Variants in CTNND1 observed in about 807,000 individuals in gnomAD.
The protein encoded by CTNND1 is catenin delta 1, also known as catenin delta-1.
A neutral mutation model predicts 112.1 loss-of-function variants in CTNND1; 16 were observed. The ratio of observed to expected loss-of-function variants is 0.14; its 90% CI spans 0.10 to 0.22. The LOEUF (loss-of-function observed/expected upper bound fraction) is 0.22. Among genes scored for constraint, CTNND1 ranks in the 10% least tolerant of loss-of-function variants. The probability of loss-of-function intolerance (pLI) is 1.00; values close to 1 mark genes in which losing one functional copy is unlikely to be tolerated. For synonymous variants in CTNND1, 420 were observed against 446.5 expected, an observed-to-expected ratio of 0.94 and a Z score of 0.75; for missense variants, 1,008 against 1,257.0, an observed-to-expected ratio of 0.80 and a Z score of 3.00.
intron 4 of CTNND1, 42 bp from the exon 5 acceptor site, chr11:57,795,535 G>A (rs367658814): frequency 1.3e-6 from 2 of 1,576,136 alleles, no homozygotes; most frequent in Non-Finnish European, 1.7e-6. Context: ...GTTATACATA[G>A]CACTTAATAG....
At chr11:57,786,308 C>A (rs536192996) in intron 1 of CTNND1, among the ~76,000 whole-genome samples, 1 of 150,800 alleles carries the variant, frequency 6.6e-6, no homozygotes, top group Non-Finnish European at 1.5e-5. Context: ...CTGAGGCAGG[C>A]GGATCATGAG....
Position 57,791,560 on chromosome 11 carries a change from C to A in CTNND1, c.82C>A (p.Arg28=). The A allele has an allele frequency of 6.2e-7, 1 of 1,610,642 alleles. No homozygotes were observed. The highest frequency in any genetic ancestry group is 8.5e-7 in the Non-Finnish European group (1 of 1,178,616). ...EQEAQFEKLT[R]ALEEERRHVS... is the part of the protein sequence containing the mutation. ...AGAGGCCCAGTTTGAGAAGCTGACCCGGGCGCTGGAGGAGGAACGGCGCCA... is the reference window on the plus strand; with the variant it reads ...AGAGGCCCAGTTTGAGAAGCTGACCAGGGCGCTGGAGGAGGAACGGCGCCA... The change falls in exon 3 of 21, where the codon CGG becomes AGG. Residue 28 remains arginine, a synonymous_variant. Coordinates refer to ENST00000399050, the MANE Select transcript of CTNND1 (RefSeq NM_001085458.2).
At chr11:57,808,756 T>C (rs1377674736) in intron 14 of CTNND1, among the ~76,000 whole-genome samples, 1 of 152,234 alleles carries the variant, frequency 6.6e-6, no homozygotes, top group Non-Finnish European at 1.5e-5. Context: ...TAATAATTGC[T>C]ATTATTTATT....
rs140714037 is a variant in CTNND1, at chr11:57,798,673, G to A, written c.956+1681G>A. On this transcript the variant is annotated intron_variant, in intron 6 of 20. Coordinates refer to ENST00000399050, the MANE Select transcript of CTNND1 (RefSeq NM_001085458.2). ...ATTCTTTGGTGATGTGAAAAAAGGAGTGATTGATGTTTGGACTGGTACATG... is the reference window on the plus strand; with the variant it reads ...ATTCTTTGGTGATGTGAAAAAAGGAATGATTGATGTTTGGACTGGTACATG... 2.0e-5 allele frequency among the ~76,000 whole-genome samples: 3 copies of A among 152,264 alleles called. No individual in the cohort carries two copies. In the East Asian group the frequency reaches 5.8e-4, roughly 29 times the overall value.
chr11:57,819,166 T>C lies in CTNND1; in HGVS notation c.*2858T>C, dbSNP rs1260935077. ...TGCCCAAATCTTTAGATTAAAATTA[T>C]ATAGCTGCTCCTGATGATGGTCCTG... On this transcript the variant is annotated 3_prime_UTR_variant, in exon 21 of 21. Coordinates refer to ENST00000399050, the MANE Select transcript of CTNND1 (RefSeq NM_001085458.2). 6.6e-6 allele frequency: 1 copy of C among 152,232 alleles called. No individual in the cohort carries two copies. The highest frequency in any genetic ancestry group is 1.5e-5 in the Non-Finnish European group (1 of 68,036). The allele number at this position is 152,232 out of a possible 1,614,324, so 9.4% of individuals were successfully genotyped here. A position where few individuals can be genotyped will look rare whatever the true frequency, so the allele number is the denominator to read the frequency against.
chr11:57,769,514 C>T (rs1038316762), intron 1 of CTNND1, among the ~76,000 whole-genome samples: 1 of 152,056 alleles, frequency 6.6e-6, no homozygotes, highest in African/African-American at 2.4e-5. Flanking sequence ...TTTATTTTAC[C>T]TATAATTTCT....
chr11:57,790,552 GTTTTT>G (rs150149378), intron 2 of CTNND1, among the ~76,000 whole-genome samples: 16 of 60,690 alleles, frequency 2.6e-4, no homozygotes, highest in Non-Finnish European at 3.7e-4. Context: ...CTGTGTGTGT[GTTTTT>G]TTTTTTTTTT....
chr11:57,809,166 C>A lies in CTNND1; in HGVS notation c.2243-108C>A. The A allele has an allele frequency of 2.6e-6, 2 of 754,980 alleles. 1 individual carries two copies. Among genetic ancestry groups the A allele is most frequent in the Non-Finnish European group, 4.4e-6 (2 of 458,430 alleles). The allele number at this position is 754,980 out of a possible 1,614,324, so 46.8% of individuals were successfully genotyped here. ...ATCCTATAGGATAATGAAGTTGATT[C>A]ATGTGGACAGCACCTACACTTGATA... On this transcript the variant is annotated intron_variant, in intron 14 of 20. Transcript: ENST00000399050.
intron 1 of CTNND1, among the ~76,000 whole-genome samples, chr11:57,775,691 G>T (rs1270796576): frequency 6.6e-6 from 1 of 152,104 alleles, no homozygotes. Flanking sequence ...AGGAAGCGCT[G>T]GCTTCCTTCC....
chr11:57,816,162 C>G (rs2063958069), intron 20 of CTNND1, 135 bp from the exon 21 acceptor site: 2 of 1,236,974 alleles, frequency 1.6e-6, no homozygotes, highest in South Asian at 1.2e-5. Flanking sequence ...TCTTACGAGT[C>G]TGGGACATGC....
intron 4 of CTNND1, among the ~76,000 whole-genome samples, chr11:57,794,785 CA>C (rs777103502): frequency 0.033 from 2,635 of 81,034 alleles, 48 homozygotes; most frequent in African/African-American, 0.098. Context: ...AACTCTGTCT[CA>C]AAAAAAAAAA....
rs2060322326 is a variant in CTNND1, at chr11:57,788,110, A to G, written c.-213-927A>G. Among the ~76,000 whole-genome samples the G allele has an allele frequency of 6.6e-6, 1 of 152,232 alleles. No individual in the cohort carries two copies. The highest frequency in any genetic ancestry group is 1.5e-5 in the Non-Finnish European group (1 of 68,044). ...ACCCTGTTGAAATTCAGTAACTGGA[A>G]GAATCTCTTTTTGAGCTCAGAGTCC... On this transcript the variant is annotated intron_variant, in intron 1 of 20. Coordinates refer to ENST00000399050, the MANE Select transcript of CTNND1 (RefSeq NM_001085458.2). The surrounding 1 kb of genome is among the most constrained non-coding windows in gnomAD (Gnocchi z 4.1).
intron 1 of CTNND1, among the ~76,000 whole-genome samples, chr11:57,765,079 C>T (rs1029219225): frequency 1.3e-5 from 2 of 152,136 alleles, no homozygotes; most frequent in East Asian, 1.9e-4. Flanking sequence ...TTGTGTCACA[C>T]GTTGTTTATC....
intron 3 of CTNND1, 44 bp from the exon 4 acceptor site, chr11:57,793,966 A>G (rs549738133): frequency 9.4e-6 from 15 of 1,598,470 alleles, no homozygotes; most frequent in Non-Finnish European, 1.1e-5. Context: ...ATAGAGCAAA[A>G]GAAGGCCACA....
At position 57,761,849 on chromosome 11, in the gene CTNND1, A is replaced by G. The variant is rs1949940353; in HGVS notation, c.-484A>G. The stretch of plus-strand genomic sequence containing the variant: ...GCTCCCTTGCCTTTGGCTGGGTGCA[A>G]CTTCCATTTTAGGTGTTGGATCTGA... On this transcript the variant is annotated 5_prime_UTR_variant, in exon 1 of 21. Transcript: ENST00000399050. 2 of 985,294 alleles carry G rather than the reference A, an allele frequency of 2.0e-6. No homozygotes were observed. The highest frequency in any genetic ancestry group is 2.4e-6 in the Non-Finnish European group (2 of 829,936). 61.0% of individuals were successfully genotyped at this position (985,294 alleles called of 1,614,324 possible). A position where few individuals can be genotyped will look rare whatever the true frequency, so the allele number is the denominator to read the frequency against.
chr11:57,767,120 C>T (rs1442131085), intron 1 of CTNND1, among the ~76,000 whole-genome samples: 12 of 152,104 alleles, frequency 7.9e-5, no homozygotes, highest in South Asian at 6.2e-4. Context: ...TACAGGTGCG[C>T]GCCACCACGC....
chr11:57,763,232 C>T (rs1401736622), intron 1 of CTNND1, among the ~76,000 whole-genome samples: 1 of 151,898 alleles, frequency 6.6e-6, no homozygotes, highest in Admixed American at 6.6e-5. Flanking sequence ...ATTATATAGC[C>T]AACTCATCAG....
chr11:57,783,102 G>A (rs564755432), intron 1 of CTNND1, among the ~76,000 whole-genome samples: 74 of 152,050 alleles, frequency 4.9e-4, no homozygotes, highest in Non-Finnish European at 8.5e-4. Flanking sequence ...CCTGGCCAAC[G>A]TGGTGAAACC....
chr11:57,811,623 C>A (rs1227685668), intron 17 of CTNND1, 137 bp downstream of exon 17: 2 of 625,234 alleles, frequency 3.2e-6, no homozygotes, highest in Admixed American at 3.0e-5. Flanking sequence ...ACTCCAGGAT[C>A]CTAACGCAGA....
Sources: allele counts gnomAD v4.1 joint callset (sites outside exome capture counted in the v4.1 genomes callset), GRCh38; gene constraint gnomAD v4.1.1; non-coding constraint Gnocchi (gnomAD v3.1); transcripts MANE v1.5; gene names NCBI Gene and HGNC (gene_info 2026-07-23, HGNC 2026-07-21).